IRAG1: variants seen among roughly 807,000 people sequenced by gnomAD.
IRAG1 encodes the protein inositol 1,4,5-triphosphate receptor associated 1.
In IRAG1, 62 loss-of-function variants were observed where a neutral mutation model predicts 106.2. The ratio of observed to expected loss-of-function variants is 0.58; its 90% confidence interval spans 0.48 to 0.72. The LOEUF (loss-of-function observed/expected upper bound fraction) is 0.72, where lower values mean the gene tolerates loss of function less well. Ranked by LOEUF, IRAG1 falls within the 30% of genes least tolerant of loss-of-function variation. The probability of loss-of-function intolerance (pLI) is 0.00; values close to 1 mark genes in which losing one functional copy is unlikely to be tolerated. For synonymous variants in IRAG1, 462 were observed against 443.9 expected, an observed-to-expected ratio of 1.04 and a Z score of -0.51; for missense variants, 1,064 against 1,140.7, an observed-to-expected ratio of 0.93 and a Z score of 0.97.
intron 1 of IRAG1, 148 bp downstream of exon 1, chr11:10,693,388 G>C: frequency 7.2e-7 from 1 of 1,396,772 alleles, no homozygotes; most frequent in Non-Finnish European, 9.4e-7. Flanking sequence ...AAGATACTCA[G>C]CTGAAATGCC....
intron 1 of IRAG1, among the ~76,000 whole-genome samples, chr11:10,677,370 A>T (rs1169364432): frequency 5.3e-5 from 8 of 152,130 alleles, no homozygotes; most frequent in Non-Finnish European, 4.4e-5. Flanking sequence ...ATGACTTGAG[A>T]GTAATTTATA....
At chr11:10,634,415 G>T (rs984997765) in intron 2 of IRAG1, among the ~76,000 whole-genome samples, 4 of 152,108 alleles carry the variant, frequency 2.6e-5, no homozygotes, top group African/African-American at 9.7e-5. Flanking sequence ...TTTGTGTGGT[G>T]GACAATACTT....
At chr11:10,618,989 G>A (rs571104085) in intron 10 of IRAG1, among the ~76,000 whole-genome samples, 8 of 152,300 alleles carry the variant, frequency 5.3e-5, no homozygotes, top group African/African-American at 1.9e-4. Context: ...GGACCAGGTT[G>A]CAGGCTGTTG....
chr11:10,641,072 G>C (rs905535395), intron 2 of IRAG1, among the ~76,000 whole-genome samples: 3 of 151,978 alleles, frequency 2.0e-5, no homozygotes, highest in African/African-American at 4.8e-5. Flanking sequence ...ACTGAATCTT[G>C]CTATGTGCCC....
At chr11:10,615,741 T>A (rs1000847433) in intron 10 of IRAG1, among the ~76,000 whole-genome samples, 1 of 151,550 alleles carries the variant, frequency 6.6e-6, no homozygotes, top group Non-Finnish European at 1.5e-5. Flanking sequence ...ATGAGAACAC[T>A]TGGACACAGG....
intron 15 of IRAG1, among the ~76,000 whole-genome samples, chr11:10,598,393 G>A (rs1340873110): frequency 1.3e-5 from 2 of 152,218 alleles, no homozygotes; most frequent in African/African-American, 2.4e-5. Context: ...AGATTTTCAA[G>A]TTTTCCAGTC....
rs1473453035 is a variant in IRAG1 at position 10,627,714 on chromosome 11, AC to A, written c.750+1del. On this transcript the variant is annotated splice_donor_variant, in intron 8 of 20. Coordinates refer to ENST00000423302, the MANE Select transcript of IRAG1 (RefSeq NM_130385.4). LOFTEE classifies it high-confidence loss of function. ...TCCAAAGGGAGCAAAGCTCAAACTC[AC>A]AGGCTCGCCAGGGTGAGGTGAAGAG... 2 of 1,613,794 alleles carry A rather than the reference AC, an allele frequency of 1.2e-6. No individual in the cohort carries two copies.
intron 1 of IRAG1, chr11:10,690,322 G>A (rs747636026): frequency 2.6e-6 from 3 of 1,151,456 alleles, no homozygotes; most frequent in Middle Eastern, 2.3e-4. Context: ...CCCGGGAGGT[G>A]GGGTTGCACC....
Position 10,576,413 on chromosome 11 carries a change from A to G in IRAG1, c.2658T>C (p.Leu886=). The part of the protein sequence containing the change: ...NSCAEQADGP[L]GRSTCSAAQR... Reference sequence around the variant, plus strand: ...GGGCTGCCGAGCAAGTGGATCTTCCAAGGGGCCCATCAGCCTGCTCTGCAC... The same window carrying G: ...GGGCTGCCGAGCAAGTGGATCTTCCGAGGGGCCCATCAGCCTGCTCTGCAC... Residue 886 remains leucine, a synonymous_variant, in exon 21 of 21, where the codon CTT becomes CTC. Coordinates refer to ENST00000423302, the MANE Select transcript of IRAG1 (RefSeq NM_130385.4). 1 of 1,613,996 alleles carries G rather than the reference A, an allele frequency of 6.2e-7. No homozygotes were observed.
At chr11:10,667,997 A>G (rs1479433480) in intron 1 of IRAG1, among the ~76,000 whole-genome samples, 1 of 152,162 alleles carries the variant, frequency 6.6e-6, no homozygotes, top group Non-Finnish European at 1.5e-5. Context: ...TCCAGCCACT[A>G]ACACCAAGGT....
At chr11:10,622,658 C>T (rs1855920509) in intron 10 of IRAG1, among the ~76,000 whole-genome samples, 1 of 151,986 alleles carries the variant, frequency 6.6e-6, no homozygotes, top group African/African-American at 2.4e-5. Context: ...GTGTGTGTCA[C>T]CATGCCCAGG....
At chr11:10,582,842 G>A (rs955721407) in intron 18 of IRAG1, among the ~76,000 whole-genome samples, 2 of 152,188 alleles carry the variant, frequency 1.3e-5, no homozygotes, top group African/African-American at 4.8e-5. Context: ...TGTAATCCCA[G>A]GTACTCAGGA....
In IRAG1 at chr11:10,576,340, C is replaced by T. The variant is rs552025202; in HGVS notation, c.2731G>A (p.Glu911Lys). 6.2e-7 allele frequency: 1 copy of T among 1,613,714 alleles called. No homozygotes were observed. The highest frequency in any genetic ancestry group is 1.3e-5 in the African/African-American group (1 of 74,928). The change falls in exon 21 of 21, where the codon GAG (glutamate) becomes AAG (lysine). Residue 911 changes from glutamate to lysine, a missense_variant. By Grantham distance (56) the Glu-to-Lys change is moderately conservative. Transcript: ENST00000423302. ...SSGLQHEQPT[E>K]Q ...GCTAGGTGTGAGGTTTCCTACTGCT[C>T]TGTAGGCTGCTCATGCTGGAGTCCT...
intron 4 of IRAG1, chr11:10,629,984 GA>G: frequency 5.0e-6 from 2 of 402,282 alleles, no homozygotes; most frequent in South Asian, 4.5e-5. Context: ...GTCAGGAAGG[GA>G]AGGCCACCCA....
intron 10 of IRAG1, among the ~76,000 whole-genome samples, chr11:10,612,600 A>T (rs966133741): frequency 2.0e-5 from 3 of 152,256 alleles, no homozygotes; most frequent in Admixed American, 6.5e-5. Context: ...TCAGAAAAAA[A>T]TAAAAGGAAA....
In IRAG1 at chr11:10,603,150, G is replaced by T; in HGVS notation, c.1845C>A (p.Ser615Arg). The T allele has an allele frequency of 1.2e-6, 2 of 1,611,398 alleles. No homozygotes were observed. The highest frequency in any genetic ancestry group is 1.7e-6 in the Non-Finnish European group (2 of 1,179,006). ...VLHRLAARLS[S>R]RAEVVGAVRQ... ...GGACGGCGCCTACCACCTCAGCTCG[G>T]CTGGAGAGGCGGGCAGCCAGGCGGT... Residue 615 changes from serine (S) to arginine (R), a missense_variant, in exon 14 of 21, where the codon AGC becomes AGA. Transcript: ENST00000423302.
chr11:10,641,133 G>T (rs989006736), intron 2 of IRAG1, among the ~76,000 whole-genome samples: 6 of 152,100 alleles, frequency 3.9e-5, no homozygotes, highest in Admixed American at 2.0e-4. Context: ...CTGAGTAGCT[G>T]GGACTGCAGG....
intron 1 of IRAG1, among the ~76,000 whole-genome samples, chr11:10,666,748 G>T (rs1859815113): frequency 6.6e-6 from 1 of 152,234 alleles, no homozygotes; most frequent in African/African-American, 2.4e-5. Flanking sequence ...CTGAGGGCAG[G>T]TTAAGGCCAG....
intron 1 of IRAG1, among the ~76,000 whole-genome samples, chr11:10,682,752 G>T (rs1215301730): frequency 6.6e-6 from 1 of 152,208 alleles, no homozygotes; most frequent in Non-Finnish European, 1.5e-5. Context: ...AAATAAGTGG[G>T]TGATGACATT....
Sources: allele counts gnomAD v4.1 joint callset (sites outside exome capture counted in the v4.1 genomes callset), GRCh38; gene constraint gnomAD v4.1.1; transcripts MANE v1.5; gene names NCBI Gene and HGNC (gene_info 2026-07-23, HGNC 2026-07-21).